Variants in CEP350 observed in about 807,000 individuals in gnomAD.
CEP350 encodes centrosomal protein 350, also known as centrosome-associated protein 350.
Under a neutral mutation model 331.8 loss-of-function variants are expected in CEP350, and 126 were observed. The ratio of observed to expected loss-of-function variants is 0.38; its 90% CI spans 0.33 to 0.44. CEP350 has a LOEUF of 0.44. CEP350 is among the 20% of genes least tolerant of loss of function. The pLI, the probability that CEP350 is intolerant of heterozygous loss-of-function variation, is 1.00. For synonymous variants in CEP350, 1,200 were observed against 1,259.5 expected (o/e 0.95, Z 1.00); for missense variants, 3,406 against 3,634.6 (o/e 0.94, Z 1.62).
intron 37 of CEP350, among the ~76,000 whole-genome samples, chr1:180,099,659 T>C (rs898481954): frequency 1.3e-5 from 2 of 152,206 alleles, no homozygotes; most frequent in Non-Finnish European, 2.9e-5. Flanking sequence ...AAAAGTGTAA[T>C]ACTTAAATTT....
chr1:180,090,662 C>A, intron 32 of CEP350, 52 bp from the exon 33 acceptor site: 1 of 1,454,044 alleles, frequency 6.9e-7, no homozygotes, highest in Non-Finnish European at 9.1e-7. Flanking sequence ...CTTTTTGTTA[C>A]CAGTTATTAT....
At chr1:180,005,152 C>A (rs1654173535) in intron 7 of CEP350, among the ~76,000 whole-genome samples, 1 of 151,500 alleles carries the variant, frequency 6.6e-6, no homozygotes, top group Admixed American at 6.6e-5. Flanking sequence ...TTCCCTGTTG[C>A]TAGTGATTCC....
intron 25 of CEP350, among the ~76,000 whole-genome samples, chr1:180,061,729 A>T (rs1056726414): frequency 5.9e-5 from 9 of 152,194 alleles, no homozygotes; most frequent in African/African-American, 2.2e-4. Context: ...AAAATGATTC[A>T]TTGTCTTTGA....
intron 14 of CEP350, among the ~76,000 whole-genome samples, chr1:180,030,237 G>A (rs1048764698): frequency 7.0e-6 from 1 of 142,926 alleles, no homozygotes; most frequent in Non-Finnish European, 1.5e-5. Flanking sequence ...ATATTTTAAA[G>A]TATATATAGT....
At chr1:179,975,988 G>GA (rs955242023) in intron 1 of CEP350, among the ~76,000 whole-genome samples, 1 of 151,958 alleles carries the variant, frequency 6.6e-6, no homozygotes, top group African/African-American at 2.4e-5. Context: ...AGAGGTAAGA[G>GA]AAAAAAACAA....
At chr1:179,996,303 G>A (rs1422723053) in intron 5 of CEP350, among the ~76,000 whole-genome samples, 1 of 151,958 alleles carries the variant, frequency 6.6e-6, no homozygotes, top group African/African-American at 2.4e-5. Flanking sequence ...ACTAGTTTTT[G>A]TACTTTTATG....
At chr1:179,983,161 A>T (rs1028489377) in intron 1 of CEP350, among the ~76,000 whole-genome samples, 3 of 152,160 alleles carry the variant, frequency 2.0e-5, no homozygotes, top group Non-Finnish European at 4.4e-5. Flanking sequence ...TTTTTCTACC[A>T]TGCTCCTTTA....
At chr1:180,104,210 AGTTGTTTTTT>A (rs1325820249) in intron 37 of CEP350, among the ~76,000 whole-genome samples, 1 of 150,870 alleles carries the variant, frequency 6.6e-6, no homozygotes, top group Non-Finnish European at 1.5e-5. Flanking sequence ...TTTCTTGTAG[AGTTGTTTTTT>A]GTTGTTTTTT....
At chr1:180,109,163 G>A (rs1173474081) in intron 37 of CEP350, among the ~76,000 whole-genome samples, 4 of 145,476 alleles carry the variant, frequency 2.7e-5, no homozygotes, top group African/African-American at 1.0e-4. Context: ...CTGTCGCCTA[G>A]GCTGGAGTGC....
rs1261631312 is a variant in CEP350 at position 180,020,151 on chromosome 1, A to G, written c.2377A>G (p.Thr793Ala). The change falls in exon 12 of 38, where the codon ACT becomes GCT. Residue 793 changes from threonine (T) to alanine (A), a missense_variant. Around this residue, in one of 5 missense-constraint regions of CEP350, gnomAD observed 1,857 missense variants for 1,909.2 expected, o/e 0.97. Coordinates refer to ENST00000367607, the MANE Select transcript of CEP350 (RefSeq NM_014810.5). ...TCATAATATGGCTTCAAGGCCATTA[A>G]CTTTTACACCTCAACCATATGTGAC... Reference protein sequence around the residue: ...KNHNMASRPLTFTPQPYVTSP... With the variant: ...KNHNMASRPLAFTPQPYVTSP... The G allele has an allele frequency of 6.2e-7, 1 of 1,614,052 alleles. No individual in the cohort carries two copies. Among genetic ancestry groups the G allele is most frequent in the Non-Finnish European group, 8.5e-7 (1 of 1,179,898 alleles).
intron 27 of CEP350, chr1:180,073,771 C>T: frequency 3.1e-6 from 4 of 1,299,762 alleles, no homozygotes; most frequent in Middle Eastern, 4.3e-4. Context: ...TAAAATCTTC[C>T]TCCTTATTTT....
At chr1:180,097,526 T>G (rs1203985671) in intron 36 of CEP350, among the ~76,000 whole-genome samples, 1 of 152,222 alleles carries the variant, frequency 6.6e-6, no homozygotes, top group Non-Finnish European at 1.5e-5. Flanking sequence ...TTCATAAATG[T>G]GTCCCTTCCC....
Position 179,992,143 on chromosome 1 carries a change from C to A in CEP350, c.317C>A (p.Pro106His). ...TKSRKEKSRS[P>H]LRATTLESNV... ...TCACGAAAAGAGAAATCTCGTAGTCCTCTCAGGGCCACCACCCTGGAGAGT... is the reference window on the plus strand; with the variant it reads ...TCACGAAAAGAGAAATCTCGTAGTCATCTCAGGGCCACCACCCTGGAGAGT... Residue 106 changes from proline to histidine, a missense_variant, in exon 5 of 38, where the codon CCT becomes CAT. Around this residue, in one of 5 missense-constraint regions of CEP350, gnomAD observed 1,857 missense variants for 1,909.2 expected, o/e 0.97. Coordinates refer to ENST00000367607, the MANE Select transcript of CEP350 (RefSeq NM_014810.5). 6.5e-7 allele frequency: 1 copy of A among 1,544,440 alleles called. No homozygotes were observed. Among genetic ancestry groups the A allele is most frequent in the African/African-American group, 1.4e-5 (1 of 71,936 alleles).
intron 1 of CEP350, 84 bp from the exon 2 acceptor site, chr1:179,986,085 A>C (rs1209809583): frequency 9.1e-7 from 1 of 1,096,040 alleles, no homozygotes; most frequent in African/African-American, 1.6e-5. Context: ...TGAAGTAGTC[A>C]TAATATAATT....
At position 180,053,856 on chromosome 1, in the gene CEP350, C is replaced by G. The variant is rs61826334; in HGVS notation, c.5096C>G (p.Ser1699Cys). ...GAAGAAATGAGGGCAGCTCACCAGT[C>G]TTCACTCCTGCGTCTCCGTGAAAAG... ...KEEEMRAAHQ[S>C]SLLRLREKAL... is the part of the protein sequence containing the mutation. The change falls in exon 24 of 38, where the codon TCT becomes TGT. Residue 1699 changes from serine to cysteine, a missense_variant. By Grantham distance (112) the Ser-to-Cys change is moderately radical (BLOSUM62 -1). Around this residue, in one of 5 missense-constraint regions of CEP350, gnomAD observed 104 missense variants for 143.3 expected, o/e 0.73. Coordinates refer to ENST00000367607, the MANE Select transcript of CEP350 (RefSeq NM_014810.5). The G allele has an allele frequency of 6.2e-7, 1 of 1,612,142 alleles. No individual in the cohort carries two copies. The highest frequency in any genetic ancestry group is 1.1e-5 in the South Asian group (1 of 90,822).
At chr1:180,064,711 A>C (rs1471758222) in intron 26 of CEP350, among the ~76,000 whole-genome samples, 1 of 152,132 alleles carries the variant, frequency 6.6e-6, no homozygotes, top group Non-Finnish European at 1.5e-5. Flanking sequence ...TCTTCCAGTC[A>C]TTCTTTGTGT....
chr1:180,047,757 CAAAAAAAA>C (rs5779043), intron 21 of CEP350, among the ~76,000 whole-genome samples: 7 of 74,042 alleles, frequency 9.5e-5, no homozygotes, highest in Non-Finnish European at 1.7e-4. Context: ...TGAAACTCCT[CAAAAAAAA>C]AAAAAAAAAA....
chr1:180,030,287 A>G (rs1037234222), intron 14 of CEP350, among the ~76,000 whole-genome samples: 5 of 147,428 alleles, frequency 3.4e-5, no homozygotes, highest in East Asian at 1.9e-4. Context: ...TAACGTATAT[A>G]TACACATAAG....
chr1:180,092,073 C>G (rs1182754382), intron 33 of CEP350, among the ~76,000 whole-genome samples: 1 of 151,716 alleles, frequency 6.6e-6, no homozygotes, highest in Admixed American at 6.6e-5. Context: ...GAATTTAAAA[C>G]TTTTAACTCT....
Sources: allele counts gnomAD v4.1 joint callset (sites outside exome capture counted in the v4.1 genomes callset), GRCh38; gene constraint gnomAD v4.1.1; regional missense constraint gnomAD v4.1.1; transcripts MANE v1.5; gene names NCBI Gene and HGNC (gene_info 2026-07-23, HGNC 2026-07-21).